The following SEH1L variants were observed in gnomAD, a reference collection of about 807,000 sequenced individuals.
SEH1L encodes the protein nucleoporin SEH1.
SEH1L carries 18 observed loss-of-function variants against 49.5 expected under a neutral mutation model. The observed-to-expected ratio is 0.36, with a 90% confidence interval of 0.25 to 0.54. SEH1L has a LOEUF of 0.54. SEH1L is among the 20% of genes least tolerant of loss of function. The probability of loss-of-function intolerance (pLI) is 0.87; values close to 1 mark genes in which losing one functional copy is unlikely to be tolerated. For missense variants in SEH1L, 404 were observed against 528.8 expected (o/e 0.76, Z 2.31); for synonymous variants, 169 against 178.1 (o/e 0.95, Z 0.41).
intron 1 of SEH1L, chr18:12,948,458 G>T (rs2030259127): frequency 2.4e-6 from 1 of 409,096 alleles, no homozygotes; most frequent in South Asian, 4.4e-5. Context: ...CTGGTGCCAC[G>T]TGCGCGCTCC....
At chr18:12,972,888 T>C (rs1006019874) in intron 5 of SEH1L, 4 of 105,116 alleles carry the variant, frequency 3.8e-5, no homozygotes, top group Non-Finnish European at 5.7e-5. Context: ...AATGAATATG[T>C]AGACATAAGC....
At chr18:12,964,926 AC>A (rs2031369171) in intron 4 of SEH1L, among the ~76,000 whole-genome samples, 1 of 151,014 alleles carries the variant, frequency 6.6e-6, no homozygotes, top group African/African-American at 2.4e-5. Flanking sequence ...GGTGTGAGCC[AC>A]TGTGCCTGGC....
At position 12,971,206 on chromosome 18, in the gene SEH1L, A is replaced by G. The variant is rs202143910; in HGVS notation, c.575A>G (p.Asn192Ser). 310 of 1,613,866 alleles carry G rather than the reference A, an allele frequency of 1.9e-4. No homozygotes were observed. Among genetic ancestry groups the G allele is most frequent in the Non-Finnish European group, 2.4e-4 (289 of 1,179,902 alleles). The change falls in exon 5 of 9, where the codon AAC becomes AGC. Residue 192 changes from asparagine to serine, a missense_variant. This residue lies in a region of SEH1L where 342 missense variants were observed against 430.8 expected (regional missense o/e 0.79). Transcript: ENST00000399892. ...GTAGGAAGTGATGACAGTAGCCCCA[A>G]CGCAATGGCCAAGGTTCAGATTTTT... ...IAVGSDDSSPNAMAKVQIFEY... is the reference protein window; with the variant it reads ...IAVGSDDSSPSAMAKVQIFEY...
At chr18:12,977,887 G>T (rs773773844) in intron 5 of SEH1L, 1 of 152,198 alleles carries the variant, frequency 6.6e-6, no homozygotes, top group African/African-American at 2.4e-5. Context: ...GGAGTGCAGT[G>T]GCGTAATCTC....
At chr18:12,985,351 CCT>C in intron 8 of SEH1L, 1 of 1,544,996 alleles carries the variant, frequency 6.5e-7, no homozygotes. Context: ...CGCCGTTTGA[CCT>C]CTCCCAAGAT....
rs117133556 is a variant in SEH1L, at chr18:12,949,785, G to A, written c.111+1553G>A. 6.6e-5 allele frequency among the ~76,000 whole-genome samples: 10 copies of A among 152,096 alleles called. No individual in the cohort carries two copies. The East Asian group carries it at 1.4e-3, about 21-fold the overall frequency. On this transcript the variant is annotated intron_variant, in intron 1 of 8. Transcript: ENST00000399892. ...ACCGTTTTAAAGTGTAGAATTCAGT[G>A]GCATAGAGCACAGCATTCACATTTT...
intron 4 of SEH1L, among the ~76,000 whole-genome samples, chr18:12,966,565 AATTTTTTGTT>A (rs2031463389): frequency 1.3e-5 from 2 of 151,848 alleles, no homozygotes; most frequent in African/African-American, 2.4e-5. Context: ...ATGCCTTGCT[AATTTTTTGTT>A]ATTTTTTGTG....
chr18:12,963,342 C>T lies in SEH1L; in HGVS notation c.492C>T (p.Ser164=), dbSNP rs751457465. 17 of 1,613,900 alleles carry T rather than the reference C, an allele frequency of 1.1e-5. No homozygotes were observed. In the African/African-American group the frequency reaches 2.1e-4, roughly 20 times the overall value. Residue 164 remains serine, a synonymous_variant, in exon 4 of 9, where the codon AGC becomes AGT. Coordinates refer to ENST00000399892, the MANE Select transcript of SEH1L (RefSeq NM_001013437.2). Reference sequence around the variant, plus strand: ...AGCATGAGATCTCATGTAAGCTAAGCTGTAGTTGTATTTCTTGGAACCCTT... The same window carrying T: ...AGCATGAGATCTCATGTAAGCTAAGTTGTAGTTGTATTTCTTGGAACCCTT... ...SLQHEISCKL[S]CSCISWNPSS...
intron 8 of SEH1L, chr18:12,985,600 A>T: frequency 9.5e-7 from 1 of 1,054,230 alleles, no homozygotes; most frequent in Non-Finnish European, 1.1e-6. Context: ...GGAGGAGGGG[A>T]ATACCACTTT....
chr18:12,957,342 C>T (rs772607802), intron 3 of SEH1L, among the ~76,000 whole-genome samples: 15 of 148,604 alleles, frequency 1.0e-4, no homozygotes, highest in Non-Finnish European at 1.8e-4. Flanking sequence ...GCAGGAGAAT[C>T]GCTTGAACCC....
At chr18:12,954,777 GA>G (rs1282422494) in intron 2 of SEH1L, among the ~76,000 whole-genome samples, 3 of 152,056 alleles carry the variant, frequency 2.0e-5, no homozygotes, top group African/African-American at 4.8e-5. Context: ...TGAATCAAAT[GA>G]AAAAAAAGTA....
chr18:12,967,118 G>C (rs1024803561), intron 4 of SEH1L, among the ~76,000 whole-genome samples: 2 of 152,114 alleles, frequency 1.3e-5, no homozygotes, highest in African/African-American at 4.8e-5. Context: ...ATTTGCACTG[G>C]CAATGTTCTA....
chr18:12,952,319 G>A (rs765601208), intron 2 of SEH1L, among the ~76,000 whole-genome samples: 74 of 149,238 alleles, frequency 5.0e-4, no homozygotes, highest in Non-Finnish European at 9.3e-4. Flanking sequence ...TGCAACCTCC[G>A]CCTGTTGGGT....
At chr18:12,981,153 G>T (rs2032235799) in intron 6 of SEH1L, among the ~76,000 whole-genome samples, 2 of 151,310 alleles carry the variant, frequency 1.3e-5, no homozygotes, top group Non-Finnish European at 2.9e-5. Context: ...ATGGGCGGCC[G>T]GGCAGAGACG....
intron 4 of SEH1L, among the ~76,000 whole-genome samples, chr18:12,967,336 G>A (rs2031494757): frequency 6.6e-6 from 1 of 152,142 alleles, no homozygotes; most frequent in Non-Finnish European, 1.5e-5. Context: ...ACTCAGACCT[G>A]AATAAAGCAT....
chr18:12,965,673 G>A (rs2031418714), intron 4 of SEH1L, among the ~76,000 whole-genome samples: 1 of 152,126 alleles, frequency 6.6e-6, no homozygotes, highest in East Asian at 1.9e-4. Context: ...TTCTTTTGTA[G>A]GTAGCTTTTT....
At chr18:12,955,968 G>GAT (rs1356167364) in intron 3 of SEH1L, among the ~76,000 whole-genome samples, 1 of 150,864 alleles carries the variant, frequency 6.6e-6, no homozygotes, top group Non-Finnish European at 1.5e-5. Flanking sequence ...GAGTTGCTGA[G>GAT]ATTATAGGCA....
At chr18:12,986,507 G>T in intron 8 of SEH1L, 10 of 976,172 alleles carry the variant, frequency 1.0e-5, no homozygotes, top group Non-Finnish European at 1.2e-5. Context: ...ATCTGTAAAT[G>T]TACAGAATAG....
intron 2 of SEH1L, among the ~76,000 whole-genome samples, chr18:12,952,626 C>G (rs1418081499): frequency 1.3e-5 from 2 of 152,124 alleles, no homozygotes; most frequent in Non-Finnish European, 2.9e-5. Flanking sequence ...TCACTGTAAT[C>G]CAGTTTTAGA....
Sources: allele counts gnomAD v4.1 joint callset (sites outside exome capture counted in the v4.1 genomes callset), GRCh38; gene constraint gnomAD v4.1.1; regional missense constraint gnomAD v4.1.1; transcripts MANE v1.5; gene names NCBI Gene and HGNC (gene_info 2026-07-23, HGNC 2026-07-21).